EPS15L1: variants seen among roughly 807,000 people sequenced by gnomAD.
EPS15L1 encodes the protein epidermal growth factor receptor pathway substrate 15 like 1, also known as epidermal growth factor receptor substrate 15-like 1.
Under a neutral mutation model 117.1 loss-of-function variants are expected in EPS15L1, and 43 were observed. The observed-to-expected ratio is 0.37, with a 90% CI of 0.29 to 0.47. The LOEUF is 0.47. Ranked by LOEUF, EPS15L1 falls within the 20% of genes least tolerant of loss-of-function variation. EPS15L1 has a pLI of 0.99. For synonymous variants in EPS15L1, 459 were observed against 470.5 expected (o/e 0.98, Z 0.32); for missense variants, 981 against 1,164.0 (o/e 0.84, Z 2.29).
intron 1 of EPS15L1, among the ~76,000 whole-genome samples, chr19:16,447,096 T>C (rs1292522029): frequency 1.7e-4 from 26 of 152,284 alleles, no homozygotes. Context: ...TCACCCAATG[T>C]GAGCCCAGCC....
intron 6 of EPS15L1, chr19:16,434,738 G>A (rs144835204): frequency 5.0e-4 from 198 of 393,370 alleles, no homozygotes; most frequent in Middle Eastern, 3.6e-3. Context: ...CCCTGGCCCC[G>A]GGTCTTGTCC....
At chr19:16,418,162 CAA>C in intron 10 of EPS15L1, 58 bp from the exon 11 acceptor site, 1 of 1,543,096 alleles carries the variant, frequency 6.5e-7, no homozygotes, top group East Asian at 2.3e-5. Flanking sequence ...AGCCTGAACC[CAA>C]GTCACCGATC....
At chr19:16,396,003 G>C (rs1183346739) in intron 16 of EPS15L1, among the ~76,000 whole-genome samples, 1 of 151,584 alleles carries the variant, frequency 6.6e-6, no homozygotes, top group Non-Finnish European at 1.5e-5. Context: ...AGCTACTTGG[G>C]AGGTTGACTC....
chr19:16,376,202 T>A (rs1177136423), intron 22 of EPS15L1, among the ~76,000 whole-genome samples: 2 of 151,976 alleles, frequency 1.3e-5, no homozygotes, highest in Non-Finnish European at 2.9e-5. Context: ...TCAGGGACAG[T>A]GTGGGGAACA....
rs543672269 is a variant in EPS15L1, at chr19:16,370,349, C to T, written c.2380+6773G>A. Among the ~76,000 whole-genome samples, 4 of 152,274 alleles carry T rather than the reference C, an allele frequency of 2.6e-5. No individual in the cohort carries two copies. In the East Asian group the frequency reaches 5.8e-4, roughly 22 times the overall value. ...CAGGGAGGCGGTGCCCAGAGCTGCA[C>T]CCAGAGCCCCCTTCTGAGGCGTCTG... On this transcript the variant is annotated intron_variant, in intron 22 of 23. Transcript: ENST00000455140. The surrounding 1 kb of genome is among the most constrained non-coding windows in gnomAD (Gnocchi z 5.2).
chr19:16,439,431 C>T (rs969370834), intron 4 of EPS15L1, among the ~76,000 whole-genome samples: 1 of 152,124 alleles, frequency 6.6e-6, no homozygotes, highest in Admixed American at 6.5e-5. Flanking sequence ...GTGGCTCATG[C>T]CTATAATCCC....
In EPS15L1 at chr19:16,402,333, A is replaced by G. The variant is rs2092610236; in HGVS notation, c.1779T>C (p.Ser593=). Residue 593 remains serine (S), a synonymous_variant, in exon 16 of 24, where the codon AGT becomes AGC. Transcript: ENST00000455140. ...SEGVSLAERG[S]FGAMDDPFKN... is the part of the protein sequence containing the mutation. ...ATTCAACCTTTACCATGGCTCCAAA[A>G]CTGCCCCTCTCTGCCAGGGAGACGC... 6.2e-7 allele frequency: 1 copy of G among 1,609,896 alleles called. No homozygotes were observed. Among genetic ancestry groups the G allele is most frequent in the African/African-American group, 1.3e-5 (1 of 74,574 alleles).
At chr19:16,389,253 G>C (rs1461378195) in intron 19 of EPS15L1, among the ~76,000 whole-genome samples, 1 of 150,968 alleles carries the variant, frequency 6.6e-6, no homozygotes. Flanking sequence ...CTAGGAGTTT[G>C]AGACCAGCCT....
chr19:16,358,971 G>A (rs2092017586), intron 23 of EPS15L1, among the ~76,000 whole-genome samples: 1 of 152,172 alleles, frequency 6.6e-6, no homozygotes, highest in African/African-American at 2.4e-5. Context: ...ACCAGAGAGG[G>A]AAGAGGTTTC....
chr19:16,392,557 A>G, intron 18 of EPS15L1, 117 bp from the exon 19 acceptor site: 4 of 1,033,254 alleles, frequency 3.9e-6, no homozygotes, highest in Non-Finnish European at 5.6e-6. Flanking sequence ...TAAGAACGCT[A>G]GTGACGGAAA....
At chr19:16,399,005 T>TC (rs1291430315) in intron 16 of EPS15L1, among the ~76,000 whole-genome samples, 3 of 152,012 alleles carry the variant, frequency 2.0e-5, no homozygotes, top group Non-Finnish European at 2.9e-5. Context: ...TTTTTTTTTT[T>TC]CAGTGTTTTC....
rs758458244 is a variant in EPS15L1 at position 16,428,707 on chromosome 19, C to T, written c.553G>A (p.Ala185Thr). 28 of 1,611,184 alleles carry T rather than the reference C, an allele frequency of 1.7e-5. No individual in the cohort carries two copies. Among genetic ancestry groups the T allele is most frequent in the Non-Finnish European group, 1.8e-5 (21 of 1,179,102 alleles). Reference protein sequence around the residue: ...KDGHLDRDEFAVAMHLVYRAL... With the variant: ...KDGHLDRDEFTVAMHLVYRAL... ...GAGGAAACAGCAGGACTTACCACAGCGAACTCATCTCGATCCAAGTGCCCA... is the reference window on the plus strand; with the variant it reads ...GAGGAAACAGCAGGACTTACCACAGTGAACTCATCTCGATCCAAGTGCCCA... Residue 185 changes from alanine to threonine, a missense_variant, in exon 8 of 24, where the codon GCT (alanine) becomes ACT (threonine). By Grantham distance (58) the Ala-to-Thr change is moderately conservative (BLOSUM62 0). Transcript: ENST00000455140.
At chr19:16,426,000 T>G (rs2092868451) in intron 8 of EPS15L1, among the ~76,000 whole-genome samples, 1 of 152,162 alleles carries the variant, frequency 6.6e-6, no homozygotes, top group African/African-American at 2.4e-5. Context: ...GCGAGACTCA[T>G]CAGCGATGGT....
chr19:16,429,186 G>A (rs904126313), intron 7 of EPS15L1, among the ~76,000 whole-genome samples: 3 of 152,150 alleles, frequency 2.0e-5, no homozygotes, highest in Admixed American at 6.5e-5. Flanking sequence ...GCGAGCTCAT[G>A]TCTGAGCAGG....
At chr19:16,363,379 G>C (rs1170778525) in intron 22 of EPS15L1, among the ~76,000 whole-genome samples, 2 of 152,126 alleles carry the variant, frequency 1.3e-5, no homozygotes, top group Non-Finnish European at 2.9e-5. Flanking sequence ...CTGGCTCCCA[G>C]CCACACCTGC....
In EPS15L1 at chr19:16,428,715, T is replaced by G; in HGVS notation, c.545A>C (p.Asp182Ala). The part of the protein sequence containing the change: ...DIDKDGHLDR[D>A]EFAVAMHLVY... ...AGCAGGACTTACCACAGCGAACTCA[T>G]CTCGATCCAAGTGCCCATCCTTGTC... The change falls in exon 8 of 24, where the codon GAT becomes GCT. Residue 182 changes from aspartate (D) to alanine (A), a missense_variant. By Grantham distance (126) the Asp-to-Ala change is moderately radical. Around this residue, in one of 5 missense-constraint regions of EPS15L1, gnomAD observed 819 missense variants for 949.0 expected, o/e 0.86. Transcript: ENST00000455140. 2.5e-6 allele frequency: 4 copies of G among 1,611,658 alleles called. No individual in the cohort carries two copies. Among genetic ancestry groups the G allele is most frequent in the Non-Finnish European group, 3.4e-6 (4 of 1,179,246 alleles).
At chr19:16,437,993 A>G in intron 4 of EPS15L1, 128 bp from the exon 5 acceptor site, 1 of 684,000 alleles carries the variant, frequency 1.5e-6, no homozygotes, top group African/African-American at 1.8e-5. Context: ...CCGTGCAAAA[A>G]CCCCTTGGAG....
At chr19:16,401,655 T>A (rs1599584514) in intron 16 of EPS15L1, 1 of 985,362 alleles carries the variant, frequency 1.0e-6, no homozygotes, top group Non-Finnish European at 1.2e-6. Flanking sequence ...AAGGAAAAGG[T>A]CACACCTGTC....
rs545605173 is a variant in EPS15L1 at position 16,444,063 on chromosome 19, C to CAAA, written c.34-1847_34-1845dup. On this transcript the variant is annotated intron_variant, in intron 1 of 23. Transcript: ENST00000455140. ...CAGGCGACGGTGCGAGACTCCGTCTCAAAAAAAAAAAAAAAAAAAAGAAGT... is the reference window on the plus strand; with the variant it reads ...CAGGCGACGGTGCGAGACTCCGTCTCAAAAAAAAAAAAAAAAAAAAAAAGAAGT... Among the ~76,000 whole-genome samples the CAAA allele has an allele frequency of 1.2e-3, 46 of 37,464 alleles. 1 individual carries two copies. Among genetic ancestry groups the CAAA allele is most frequent in the African/African-American group, 3.2e-3 (30 of 9,370 alleles). 24.6% of individuals were successfully genotyped at this position (37,464 alleles called of 152,430 possible).
Sources: allele counts gnomAD v4.1 joint callset (sites outside exome capture counted in the v4.1 genomes callset), GRCh38; gene constraint gnomAD v4.1.1; regional missense constraint gnomAD v4.1.1; non-coding constraint Gnocchi (gnomAD v3.1); transcripts MANE v1.5; gene names NCBI Gene and HGNC (gene_info 2026-07-23, HGNC 2026-07-21).